The following UGGT2 variants were observed in gnomAD, a reference collection of about 807,000 sequenced individuals.
UGGT2 encodes the protein UDP-glucose glycoprotein glucosyltransferase 2.
In UGGT2, 180 loss-of-function variants were observed where a neutral mutation model predicts 192.1. The observed-to-expected ratio is 0.94, with a 90% confidence interval of 0.83 to 1.06. The LOEUF (loss-of-function observed/expected upper bound fraction) is 1.06. Ranked by LOEUF, UGGT2 falls within the 50% of genes least tolerant of loss-of-function variation. UGGT2 has a pLI of 0.00. For synonymous variants in UGGT2, 580 were observed against 591.0 expected, an observed-to-expected ratio of 0.98 and a Z score of 0.27; for missense variants, 1,849 against 1,795.7, an observed-to-expected ratio of 1.03 and a Z score of -0.54.
chr13:95,834,049 A>G (rs577855923), intron 37 of UGGT2, among the ~76,000 whole-genome samples: 31 of 152,264 alleles, frequency 2.0e-4, no homozygotes, highest in African/African-American at 7.2e-4. Flanking sequence ...CCATAGTGAC[A>G]TATTCCTGAG....
At chr13:96,024,630 T>C (rs1347558600) in intron 2 of UGGT2, among the ~76,000 whole-genome samples, 1 of 152,224 alleles carries the variant, frequency 6.6e-6, no homozygotes, top group Non-Finnish European at 1.5e-5. Context: ...GTCCATTTGG[T>C]ATAGGCATCC....
intron 38 of UGGT2, among the ~76,000 whole-genome samples, chr13:95,831,111 T>C (rs1469721469): frequency 2.1e-5 from 3 of 144,122 alleles, no homozygotes; most frequent in African/African-American, 7.6e-5. Context: ...GGGAACACCA[T>C]ACACTGGGGC....
chr13:96,049,565 T>C (rs1271435264), intron 1 of UGGT2, among the ~76,000 whole-genome samples: 1 of 152,204 alleles, frequency 6.6e-6, no homozygotes, highest in Non-Finnish European at 1.5e-5. Flanking sequence ...GATATGATTG[T>C]ATATTTAGAA....
intron 38 of UGGT2, among the ~76,000 whole-genome samples, chr13:95,827,803 A>G (rs1489711084): frequency 1.3e-5 from 2 of 152,082 alleles, no homozygotes; most frequent in Admixed American, 1.3e-4. Flanking sequence ...TTGCATCCCC[A>G]TTGTTCTTGT....
chr13:96,039,089 A>C (rs2053090120), intron 1 of UGGT2, among the ~76,000 whole-genome samples: 1 of 152,232 alleles, frequency 6.6e-6, no homozygotes, highest in Non-Finnish European at 1.5e-5. Flanking sequence ...AAAATCCAGC[A>C]GGGCAAATTT....
chr13:95,835,151 A>C (rs1255029646), intron 37 of UGGT2, among the ~76,000 whole-genome samples: 1 of 152,224 alleles, frequency 6.6e-6, no homozygotes, highest in South Asian at 2.1e-4. Flanking sequence ...ATCTCAATTC[A>C]GAATAGCAAC....
At chr13:95,818,256 T>C (rs1330130141) in intron 38 of UGGT2, among the ~76,000 whole-genome samples, 1 of 152,192 alleles carries the variant, frequency 6.6e-6, no homozygotes, top group African/African-American at 2.4e-5. Flanking sequence ...GAGGATGCAA[T>C]GAGCCATGAC....
chr13:96,039,491 G>A (rs1344094807), intron 1 of UGGT2, among the ~76,000 whole-genome samples: 1 of 152,120 alleles, frequency 6.6e-6, no homozygotes, highest in Non-Finnish European at 1.5e-5. Flanking sequence ...AACCTGTTCA[G>A]CAAAAGGTTG....
At position 95,900,887 on chromosome 13, in the gene UGGT2, T is replaced by C; in HGVS notation, c.2554A>G (p.Ile852Val). Residue 852 changes from isoleucine (I) to valine (V), a missense_variant, in exon 22 of 39, where the codon ATT (isoleucine) becomes GTT (valine). Physicochemically the swap from Ile to Val is conservative, Grantham distance 29. Transcript: ENST00000376747. ...CAGAACAACTGGTGAGTTCGAAAAATATTCACTCCAACAGTATTATATTTT... is the reference window on the plus strand; with the variant it reads ...CAGAACAACTGGTGAGTTCGAAAAACATTCACTCCAACAGTATTATATTTT... ...EKKYNTVGVNIFRTHQLFCQD... is the reference protein window; with the variant it reads ...EKKYNTVGVNVFRTHQLFCQD... 1 of 1,611,220 alleles carries C rather than the reference T, an allele frequency of 6.2e-7. No homozygotes were observed. The highest frequency in any genetic ancestry group is 8.5e-7 in the Non-Finnish European group (1 of 1,178,994).
At chr13:96,007,238 T>C (rs1434606494) in intron 5 of UGGT2, among the ~76,000 whole-genome samples, 1 of 152,088 alleles carries the variant, frequency 6.6e-6, no homozygotes, top group African/African-American at 2.4e-5. Context: ...TTTGACAAAA[T>C]TCAACATCTC....
chr13:95,931,929 C>T (rs897004683), intron 17 of UGGT2, among the ~76,000 whole-genome samples: 41 of 152,312 alleles, frequency 2.7e-4, no homozygotes, highest in Non-Finnish European at 4.3e-4. Context: ...ATGGCCAGAG[C>T]GGACGCCGAG....
At chr13:95,884,797 T>A in intron 26 of UGGT2, 117 bp from the exon 27 acceptor site, 1 of 967,078 alleles carries the variant, frequency 1.0e-6, no homozygotes, top group Non-Finnish European at 1.5e-6. Context: ...TCAAAAAGAC[T>A]AAGATGCATT....
intron 23 of UGGT2, 85 bp from the exon 24 acceptor site, chr13:95,894,742 T>C: frequency 8.9e-7 from 1 of 1,125,932 alleles, no homozygotes; most frequent in Non-Finnish European, 1.3e-6. Flanking sequence ...AGAAAGGTTT[T>C]ATATATCTGA....
At chr13:95,985,318 T>G (rs1444693440) in intron 9 of UGGT2, 2 of 1,276,686 alleles carry the variant, frequency 1.6e-6, no homozygotes, top group Non-Finnish European at 2.1e-6. Context: ...AAGAGGCATA[T>G]CAATATATTC....
chr13:95,931,948 G>A (rs2049294854), intron 17 of UGGT2, among the ~76,000 whole-genome samples: 1 of 152,210 alleles, frequency 6.6e-6, no homozygotes, highest in South Asian at 2.1e-4. Context: ...AGGGCAAGGA[G>A]GTGCTGAGAG....
intron 1 of UGGT2, among the ~76,000 whole-genome samples, chr13:96,039,612 G>A (rs2053108419): frequency 6.6e-6 from 1 of 152,166 alleles, no homozygotes; most frequent in African/African-American, 2.4e-5. Flanking sequence ...AAATCATCAA[G>A]TGTTGGTTCC....
At chr13:95,860,128 A>G (rs928156550) in intron 32 of UGGT2, among the ~76,000 whole-genome samples, 3 of 152,032 alleles carry the variant, frequency 2.0e-5, no homozygotes, top group African/African-American at 7.2e-5. Context: ...CTGAAGTTCC[A>G]TTTTAACGTA....
At position 95,853,788 on chromosome 13, in the gene UGGT2, C is replaced by A. The variant is rs1347568281; in HGVS notation, c.4170-131G>T. The A allele has an allele frequency of 1.4e-5, 8 of 557,128 alleles. 1 individual carries two copies. The highest frequency in any genetic ancestry group is 1.3e-4 in the East Asian group (4 of 29,654). 34.5% of individuals were successfully genotyped at this position (557,128 alleles called of 1,614,324 possible). A position where few individuals can be genotyped will look rare whatever the true frequency, so the allele number is the denominator to read the frequency against. On this transcript the variant is annotated intron_variant, in intron 35 of 38. Coordinates refer to ENST00000376747, the MANE Select transcript of UGGT2 (RefSeq NM_020121.4). ...AGGATCTAATAACAATTAATCCTTTCATAAATTTGCTCCTAATATCTAATA... is the reference window on the plus strand; with the variant it reads ...AGGATCTAATAACAATTAATCCTTTAATAAATTTGCTCCTAATATCTAATA...
At chr13:95,828,974 A>G (rs59489368) in intron 38 of UGGT2, among the ~76,000 whole-genome samples, 2,212 of 152,324 alleles carry the variant, frequency 0.015, 56 homozygotes, top group African/African-American at 0.051. Context: ...ATCCACCATG[A>G]TCAAGTGGGT....
Sources: allele counts gnomAD v4.1 joint callset (sites outside exome capture counted in the v4.1 genomes callset), GRCh38; gene constraint gnomAD v4.1.1; transcripts MANE v1.5; gene names NCBI Gene and HGNC (gene_info 2026-07-23, HGNC 2026-07-21).